SMG7: variants seen among roughly 807,000 people sequenced by gnomAD.
SMG7 encodes the protein SMG7 nonsense mediated mRNA decay factor.
A neutral mutation model predicts 148.2 loss-of-function variants in SMG7; 34 were observed. The ratio of observed to expected loss-of-function variants is 0.23; its 90% confidence interval spans 0.17 to 0.31. The LOEUF (loss-of-function observed/expected upper bound fraction) is 0.31, where lower values mean the gene tolerates loss of function less well. SMG7 is among the 10% of genes least tolerant of loss of function. The pLI is 1.00. For synonymous variants in SMG7, 492 were observed against 515.1 expected (o/e 0.96, Z 0.61); for missense variants, 1,114 against 1,408.4 (o/e 0.79, Z 3.35).
chr1:183,484,424 G>T, intron 1 of SMG7, among the ~76,000 whole-genome samples: 1 of 150,816 alleles, frequency 6.6e-6, no homozygotes. Context: ...ACCGATAGAG[G>T]GCCAGCTCAT....
At position 183,472,527 on chromosome 1, in the gene SMG7, C is replaced by A. The variant is rs1327730972; in HGVS notation, c.-94C>A. 1.6e-6 allele frequency: 2 copies of A among 1,227,516 alleles called. No individual in the cohort carries two copies. The highest frequency in any genetic ancestry group is 3.2e-5 in the African/African-American group (2 of 63,370). The allele number at this position is 1,227,516 out of a possible 1,614,324, so 76.0% of individuals were successfully genotyped here. On this transcript the variant is annotated 5_prime_UTR_variant, in exon 1 of 23. Coordinates refer to ENST00000688051, the MANE Select transcript of SMG7 (RefSeq NM_001375584.1). ...GAGCCGGAGGAGAGGAAGATGGCGG[C>A]GGCCGCCAGCACCCGCGGTGCCGCG...
chr1:183,544,945 C>T lies in SMG7; in HGVS notation c.2003C>T (p.Thr668Ile). 1 of 1,613,502 alleles carries T rather than the reference C, an allele frequency of 6.2e-7. No homozygotes were observed. The highest frequency in any genetic ancestry group is 8.5e-7 in the Non-Finnish European group (1 of 1,179,594). Residue 668 changes from threonine (T) to isoleucine (I), a missense_variant, in exon 16 of 23, where the codon ACA (threonine) becomes ATA (isoleucine). Physicochemically the swap from Thr to Ile is moderately conservative, Grantham distance 89 (BLOSUM62 -1). This residue lies in a region of SMG7 where 788 missense variants were observed against 894.5 expected (regional missense o/e 0.88). Transcript: ENST00000688051. ...TGTTTTGAAGGGTTTCCGCCCCCAA[C>T]ATATGTTATCCCCCCGCCTGTGGCA... Reference protein sequence around the residue: ...LPSRPGFPPPTYVIPPPVAFS... With the variant: ...LPSRPGFPPPIYVIPPPVAFS...
At chr1:183,484,759 T>C (rs1192775408) in intron 1 of SMG7, among the ~76,000 whole-genome samples, 1 of 152,162 alleles carries the variant, frequency 6.6e-6, no homozygotes, top group East Asian at 1.9e-4. Context: ...ATATCCTTTA[T>C]CTAAAAATTT....
intron 4 of SMG7, among the ~76,000 whole-genome samples, chr1:183,525,535 CAAG>C (rs1359739739): frequency 1.3e-5 from 2 of 152,016 alleles, no homozygotes; most frequent in African/African-American, 2.4e-5. Flanking sequence ...GCTATAAAGT[CAAG>C]AGGAGAGTGT....
intron 1 of SMG7, among the ~76,000 whole-genome samples, chr1:183,490,528 TAAA>T (rs988407981): frequency 6.6e-6 from 1 of 152,136 alleles, no homozygotes; most frequent in African/African-American, 2.4e-5. Flanking sequence ...TTGAATAAAA[TAAA>T]AACGTTAAGA....
chr1:183,552,868 C>T lies in SMG7; in HGVS notation c.*937C>T. 1 of 1,437,954 alleles carries T rather than the reference C, an allele frequency of 7.0e-7. No homozygotes were observed. The highest frequency in any genetic ancestry group is 9.1e-7 in the Non-Finnish European group (1 of 1,100,514). The allele number at this position is 1,437,954 out of a possible 1,614,324, so 89.1% of individuals were successfully genotyped here. A position where few individuals can be genotyped will look rare whatever the true frequency, so the allele number is the denominator to read the frequency against. On this transcript the variant is annotated 3_prime_UTR_variant, in exon 23 of 23. Transcript: ENST00000688051. ...TTTTCTTTGGTTGGTTTTTGTGCCC[C>T]CATTCTACTTCCCACCCTCCTGCCC...
intron 1 of SMG7, among the ~76,000 whole-genome samples, chr1:183,475,040 T>C (rs1287208507): frequency 6.6e-6 from 1 of 152,168 alleles, no homozygotes; most frequent in African/African-American, 2.4e-5. Context: ...ACATGAGGAA[T>C]GTAAGCCCAA....
rs1288477039 is a variant in SMG7 at position 183,533,165 on chromosome 1, G to A, written c.845G>A (p.Arg282Lys). 1 of 1,612,736 alleles carries A rather than the reference G, an allele frequency of 6.2e-7. No homozygotes were observed. The highest frequency in any genetic ancestry group is 1.7e-5 in the Admixed American group (1 of 59,908). ...CAGTACGTCTGTCTTCTTTTACAGAGGCTGCTATTCCAAAAAGCTTTCAAC... is the reference window on the plus strand; with the variant it reads ...CAGTACGTCTGTCTTCTTTTACAGAAGCTGCTATTCCAAAAAGCTTTCAAC... The part of the protein sequence containing the change: ...LREKLEEQFK[R>K]LLFQKAFNSQ... The change falls in exon 9 of 23, where the codon AGG (arginine) becomes AAG (lysine). Residue 282 changes from arginine (R) to lysine (K), a missense_variant and splice_region_variant. Physicochemically the swap from Arg to Lys is conservative, Grantham distance 26. Around this residue, in one of 4 missense-constraint regions of SMG7, gnomAD observed 8 missense variants for 37.6 expected, o/e 0.21. Coordinates refer to ENST00000688051, the MANE Select transcript of SMG7 (RefSeq NM_001375584.1).
At chr1:183,502,027 C>T (rs1421145607) in intron 1 of SMG7, among the ~76,000 whole-genome samples, 1 of 152,020 alleles carries the variant, frequency 6.6e-6, no homozygotes, top group Non-Finnish European at 1.5e-5. Context: ...CAGTGAGGAA[C>T]ATTAGAATAA....
chr1:183,479,630 C>A (rs1653573898), intron 1 of SMG7, among the ~76,000 whole-genome samples: 1 of 152,106 alleles, frequency 6.6e-6, no homozygotes, highest in Non-Finnish European at 1.5e-5. Flanking sequence ...ATTTTAATTT[C>A]TTAAATCTGT....
At chr1:183,481,892 C>T (rs2102079824) in intron 1 of SMG7, among the ~76,000 whole-genome samples, 1 of 151,180 alleles carries the variant, frequency 6.6e-6, no homozygotes, top group Middle Eastern at 3.4e-3. Context: ...AACTCCTGGC[C>T]TTAAGTGATC....
At position 183,549,270 on chromosome 1, in the gene SMG7, C is replaced by T. The variant is rs201614897; in HGVS notation, c.2955C>T (p.Thr985=). The change falls in exon 19 of 23, where the codon ACC becomes ACT. Residue 985 remains threonine (T), a synonymous_variant. Transcript: ENST00000688051. ...MSHSSSFLSL[T]GFSLNQERYP... is the part of the protein sequence containing the mutation. ...ATTCATCCTCTTTCCTGTCCCTCAC[C>T]GGATTCTCTCTCAATCAGGTAGGTG... is the stretch of plus-strand genomic sequence containing the variant. The T allele has an allele frequency of 2.0e-5, 32 of 1,612,590 alleles. No individual in the cohort carries two copies. Among genetic ancestry groups the T allele is most frequent in the Middle Eastern group, 1.6e-4 (1 of 6,084 alleles).
At chr1:183,516,938 T>C (rs571038937) in intron 3 of SMG7, among the ~76,000 whole-genome samples, 2 of 152,348 alleles carry the variant, frequency 1.3e-5, no homozygotes, top group South Asian at 2.1e-4. Context: ...AAACCTCTTA[T>C]CTGTGTTTGC....
rs780314050 is a variant in SMG7, at chr1:183,546,089, G to A, written c.2494G>A (p.Glu832Lys). 1 of 1,613,914 alleles carries A rather than the reference G, an allele frequency of 6.2e-7. No homozygotes were observed. The highest frequency in any genetic ancestry group is 8.5e-7 in the Non-Finnish European group (1 of 1,179,958). ...GACCCAAGACCCCATAAAACTGTTTGAGCCGTCATTGCAACCTCCTGTAAT... is the reference window on the plus strand; with the variant it reads ...GACCCAAGACCCCATAAAACTGTTTAAGCCGTCATTGCAACCTCCTGTAAT... ...LQTQDPIKLF[E>K]PSLQPPVMQQ... The change falls in exon 17 of 23, where the codon GAG becomes AAG. Residue 832 changes from glutamate to lysine, a missense_variant. Coordinates refer to ENST00000688051, the MANE Select transcript of SMG7 (RefSeq NM_001375584.1).
intron 18 of SMG7, 37 bp downstream of exon 18, chr1:183,547,289 C>A: frequency 2.0e-6 from 3 of 1,531,978 alleles, no homozygotes; most frequent in African/African-American, 2.8e-5. Flanking sequence ...TTGGTCTAAC[C>A]CCCAGCTGCT....
At chr1:183,501,950 G>A (rs960139753) in intron 1 of SMG7, among the ~76,000 whole-genome samples, 3 of 152,028 alleles carry the variant, frequency 2.0e-5, no homozygotes, top group African/African-American at 7.2e-5. Context: ...TTCTCATCCT[G>A]GTCTTAAAAG....
chr1:183,545,209 C>T lies in SMG7; in HGVS notation c.2267C>T (p.Thr756Ile). ...SLPAQPTAQSTSQLQVQALTQ... is the reference protein window; with the variant it reads ...SLPAQPTAQSISQLQVQALTQ... ...CCAGCTCAGCCAACAGCACAGTCTACAAGCCAGCTGCAGGTTCAAGCTCTA... is the reference window on the plus strand; with the variant it reads ...CCAGCTCAGCCAACAGCACAGTCTATAAGCCAGCTGCAGGTTCAAGCTCTA... The change falls in exon 16 of 23, where the codon ACA becomes ATA. Residue 756 changes from threonine (T) to isoleucine (I), a missense_variant. Physicochemically the swap from Thr to Ile is moderately conservative, Grantham distance 89. Around this residue, in one of 4 missense-constraint regions of SMG7, gnomAD observed 788 missense variants for 894.5 expected, o/e 0.88. Transcript: ENST00000688051. 1.2e-6 allele frequency: 2 copies of T among 1,614,148 alleles called. No individual in the cohort carries two copies. The highest frequency in any genetic ancestry group is 2.2e-5 in the East Asian group (1 of 44,880).
Position 183,553,043 on chromosome 1 carries a change from ATC to A in SMG7, c.*1114_*1115del, listed in dbSNP as rs1671304855. ...GTCTGAAGAGGAAGGAAGCAGCAGT[ATC>A]TGCGTAGCCCACAGAGGGCCCAGGC... is the stretch of plus-strand genomic sequence containing the variant. On this transcript the variant is annotated 3_prime_UTR_variant, in exon 23 of 23. Coordinates refer to ENST00000688051, the MANE Select transcript of SMG7 (RefSeq NM_001375584.1). 2 of 1,536,142 alleles carry A rather than the reference ATC, an allele frequency of 1.3e-6. No individual in the cohort carries two copies. The highest frequency in any genetic ancestry group is 2.7e-5 in the African/African-American group (2 of 73,070).
At chr1:183,544,871 T>A (rs1669628942) in intron 15 of SMG7, 59 bp from the exon 16 acceptor site, 1 of 1,558,334 alleles carries the variant, frequency 6.4e-7, no homozygotes, top group Non-Finnish European at 8.7e-7. Flanking sequence ...AAAAAATGAC[T>A]TTTTTTGCAA....
Sources: allele counts gnomAD v4.1 joint callset (sites outside exome capture counted in the v4.1 genomes callset), GRCh38; gene constraint gnomAD v4.1.1; regional missense constraint gnomAD v4.1.1; transcripts MANE v1.5; gene names NCBI Gene and HGNC (gene_info 2026-07-23, HGNC 2026-07-21).